Variants in FOXJ3 observed in about 807,000 individuals in gnomAD.
FOXJ3 encodes forkhead box protein J3.
In FOXJ3, 22 loss-of-function variants were observed where a neutral mutation model predicts 76.1. The observed-to-expected ratio is 0.29, with a 90% CI of 0.21 to 0.41. The LOEUF (loss-of-function observed/expected upper bound fraction) is 0.41. FOXJ3 is among the 10% of genes least tolerant of loss of function. FOXJ3 has a pLI of 1.00. For missense variants in FOXJ3, 613 were observed against 762.1 expected, an observed-to-expected ratio of 0.80 and a Z score of 2.30; for synonymous variants, 269 against 261.2, an observed-to-expected ratio of 1.03 and a Z score of -0.29.
intron 4 of FOXJ3, among the ~76,000 whole-genome samples, chr1:42,237,320 A>G (rs1213978864): frequency 1.3e-5 from 2 of 151,348 alleles, no homozygotes; most frequent in Non-Finnish European, 2.9e-5. Flanking sequence ...GCTTGCAGTG[A>G]GCAGAGATCA....
chr1:42,222,866 T>C (rs528853546), intron 5 of FOXJ3, among the ~76,000 whole-genome samples: 2 of 152,320 alleles, frequency 1.3e-5, no homozygotes, highest in African/African-American at 4.8e-5. Context: ...CCTCATTTAT[T>C]AGACATATAC....
intron 2 of FOXJ3, among the ~76,000 whole-genome samples, chr1:42,298,994 T>C (rs1305718735): frequency 1.3e-5 from 2 of 152,204 alleles, no homozygotes; most frequent in Non-Finnish European, 2.9e-5. Flanking sequence ...TATTCCACTG[T>C]GCTCCAAAAA....
At chr1:42,251,742 G>A (rs190311410) in intron 4 of FOXJ3, among the ~76,000 whole-genome samples, 4,200 of 107,672 alleles carry the variant, frequency 0.039, 253 homozygotes, top group African/African-American at 0.15. Context: ...TTTTTGAGAC[G>A]GAGTTTTGCT....
chr1:42,308,370 T>C (rs1031914133), intron 2 of FOXJ3, among the ~76,000 whole-genome samples: 2 of 152,228 alleles, frequency 1.3e-5, no homozygotes, highest in Non-Finnish European at 2.9e-5. Context: ...TATGGGAAAG[T>C]AGACTAAAAT....
rs578088685 is a variant in FOXJ3 at position 42,231,270 on chromosome 1, G to A, written c.445-3304C>T. Among the ~76,000 whole-genome samples, 11 of 152,240 alleles carry A rather than the reference G, an allele frequency of 7.2e-5. No individual in the cohort carries two copies. In the South Asian group the frequency reaches 2.3e-3, roughly 32 times the overall value. ...GAACCCAGAAGGCAGAGCTCGCAGT[G>A]AGCCGAGATCACGCCACTGCACTCT... On this transcript the variant is annotated intron_variant, in intron 4 of 12. Transcript: ENST00000361346.
chr1:42,267,100 A>G (rs1651523140), intron 3 of FOXJ3, among the ~76,000 whole-genome samples: 1 of 152,108 alleles, frequency 6.6e-6, no homozygotes, highest in African/African-American at 2.4e-5. Context: ...ACAGATACAC[A>G]AGACTAGTCT....
intron 5 of FOXJ3, among the ~76,000 whole-genome samples, chr1:42,213,487 A>G (rs1290722681): frequency 6.6e-6 from 1 of 151,526 alleles, no homozygotes; most frequent in Non-Finnish European, 1.5e-5. Context: ...AAAAAAAAAG[A>G]CACGATTATA....
intron 4 of FOXJ3, among the ~76,000 whole-genome samples, chr1:42,251,445 G>T (rs540972484): frequency 6.6e-6 from 1 of 152,064 alleles, no homozygotes; most frequent in Non-Finnish European, 1.5e-5. Context: ...TACACTACAA[G>T]AACTGTCAGA....
chr1:42,210,689 AAGGAGATTTCCTTGAG>A (rs1222850216), intron 5 of FOXJ3, among the ~76,000 whole-genome samples: 1 of 151,806 alleles, frequency 6.6e-6, no homozygotes, highest in Admixed American at 6.6e-5. Flanking sequence ...CACAAATCTC[AAGGAGATTTCCTTGAG>A]ATAACCAAGG....
At chr1:42,276,540 C>G (rs115292818) in intron 3 of FOXJ3, among the ~76,000 whole-genome samples, 2 of 152,046 alleles carry the variant, frequency 1.3e-5, no homozygotes, top group Non-Finnish European at 2.9e-5. Context: ...AAAAGTATAG[C>G]ACGTCTTCAA....
intron 4 of FOXJ3, among the ~76,000 whole-genome samples, chr1:42,249,876 G>A (rs1383809400): frequency 6.6e-6 from 1 of 152,188 alleles, no homozygotes; most frequent in African/African-American, 2.4e-5. Context: ...TGAAAAGTTA[G>A]AGTAGGTTAA....
intron 5 of FOXJ3, chr1:42,206,099 C>G (rs1398575368): frequency 4.8e-6 from 2 of 416,846 alleles, no homozygotes; most frequent in Non-Finnish European, 8.5e-6. Flanking sequence ...GCAGGATAGG[C>G]TGACAAAAAT....
intron 1 of FOXJ3, among the ~76,000 whole-genome samples, chr1:42,320,679 T>C (rs1655381085): frequency 6.6e-6 from 1 of 152,218 alleles, no homozygotes; most frequent in Admixed American, 6.5e-5. Context: ...GATCACATTA[T>C]ATGTTTAAAT....
intron 6 of FOXJ3, among the ~76,000 whole-genome samples, chr1:42,199,698 TCAA>T (rs1331256727): frequency 6.6e-6 from 1 of 151,866 alleles, no homozygotes; most frequent in African/African-American, 2.4e-5. Flanking sequence ...AAACAACTGT[TCAA>T]CACATTTATA....
intron 5 of FOXJ3, among the ~76,000 whole-genome samples, chr1:42,227,080 G>C (rs907478078): frequency 6.6e-6 from 1 of 152,156 alleles, no homozygotes; most frequent in African/African-American, 2.4e-5. Context: ...TTCCAGTAGA[G>C]GAGACAAATA....
rs544290872 is a variant in FOXJ3 at position 42,223,507 on chromosome 1, A to C, written c.528+4376T>G. Among the ~76,000 whole-genome samples the C allele has an allele frequency of 8.5e-5, 13 of 152,308 alleles. 1 individual carries two copies. The highest frequency in any genetic ancestry group is 7.2e-4 in the Admixed American group (11 of 15,302). On this transcript the variant is annotated intron_variant, in intron 5 of 12. Coordinates refer to ENST00000361346, the MANE Select transcript of FOXJ3 (RefSeq NM_014947.5). ...CACCTGTACTTCTTACCTACTAGTCAATCATGCATGCTGTGTCTCCAAGTG... is the reference window on the plus strand; with the variant it reads ...CACCTGTACTTCTTACCTACTAGTCCATCATGCATGCTGTGTCTCCAAGTG...
At chr1:42,307,488 T>C (rs1293583388) in intron 2 of FOXJ3, among the ~76,000 whole-genome samples, 1 of 152,260 alleles carries the variant, frequency 6.6e-6, no homozygotes, top group Non-Finnish European at 1.5e-5. Context: ...TTATCCTTTA[T>C]GTTACTTAGT....
At position 42,177,267 on chromosome 1, in the gene FOXJ3, C is replaced by A. The variant is rs1646232200; in HGVS notation, c.*2443G>T. The A allele has an allele frequency of 6.6e-6, 1 of 152,614 alleles. No individual in the cohort carries two copies. Among genetic ancestry groups the A allele is most frequent in the African/African-American group, 2.4e-5 (1 of 41,436 alleles). The allele number at this position is 152,614 out of a possible 1,614,324, so 9.5% of individuals were successfully genotyped here. ...TGGCCATTCTTGCTAAGTTTAAATTCTCATAAAAATATTCATCACTGCAAA... is the reference window on the plus strand; with the variant it reads ...TGGCCATTCTTGCTAAGTTTAAATTATCATAAAAATATTCATCACTGCAAA... On this transcript the variant is annotated 3_prime_UTR_variant, in exon 13 of 13. Transcript: ENST00000361346.
intron 5 of FOXJ3, among the ~76,000 whole-genome samples, chr1:42,212,760 G>T (rs1212997273): frequency 6.6e-6 from 1 of 151,974 alleles, no homozygotes; most frequent in Non-Finnish European, 1.5e-5. Context: ...CAAAGGCATG[G>T]AGTCATCAGA....
Sources: allele counts gnomAD v4.1 joint callset (sites outside exome capture counted in the v4.1 genomes callset), GRCh38; gene constraint gnomAD v4.1.1; transcripts MANE v1.5; gene names NCBI Gene and HGNC (gene_info 2026-07-23, HGNC 2026-07-21).